TMLHE: variants seen among roughly 807,000 people sequenced by gnomAD.
The protein encoded by TMLHE is trimethyllysine hydroxylase, epsilon, also known as trimethyllysine dioxygenase, mitochondrial.
A neutral mutation model predicts 25.7 loss-of-function variants in TMLHE; 18 were observed. The observed-to-expected ratio is 0.70, with a 90% CI of 0.48 to 1.04. The LOEUF (loss-of-function observed/expected upper bound fraction) is 1.04. Ranked by LOEUF, TMLHE falls within the 50% of genes least tolerant of loss-of-function variation. The pLI is 0.00. For synonymous variants in TMLHE, 105 were observed against 97.0 expected, an observed-to-expected ratio of 1.08 and a Z score of -0.49; for missense variants, 236 against 259.0, an observed-to-expected ratio of 0.91 and a Z score of 0.61.
intron 1 of TMLHE, among the ~76,000 whole-genome samples, chrX:155,598,609 A>G (rs1557346845): frequency 9.2e-6 from 1 of 108,410 alleles, no homozygotes; most frequent in East Asian, 2.9e-4. Flanking sequence ...ACTAAATGAC[A>G]AGTTAATGGG....
chrX:155,556,344 T>C (rs2067455308), intron 1 of TMLHE, among the ~76,000 whole-genome samples: 1 of 88,729 alleles, frequency 1.1e-5, no homozygotes, highest in Non-Finnish European at 2.4e-5. Flanking sequence ...TCGGGGGACC[T>C]GCCCCGATAA....
intron 6 of TMLHE, among the ~76,000 whole-genome samples, chrX:155,500,361 C>CA (rs1260579858): frequency 9.3e-6 from 1 of 107,469 alleles, no homozygotes; most frequent in Non-Finnish European, 1.9e-5. Flanking sequence ...TTTATGCAGC[C>CA]AAAAAACACA....
chrX:155,576,614 A>G (rs1366908302), intron 1 of TMLHE, among the ~76,000 whole-genome samples: 1 of 112,252 alleles, frequency 8.9e-6, no homozygotes, highest in East Asian at 2.8e-4. Flanking sequence ...ACTACACTAC[A>G]AGGCTACTGT....
At chrX:155,510,618 A>T (rs1479647444) in intron 5 of TMLHE, among the ~76,000 whole-genome samples, 1 of 109,428 alleles carries the variant, frequency 9.1e-6, no homozygotes, top group Non-Finnish European at 1.9e-5. Flanking sequence ...CATGGTGTAT[A>T]TGTGCCACAT....
chrX:155,605,166 T>C (rs1271403754), intron 1 of TMLHE, among the ~76,000 whole-genome samples: 1 of 112,196 alleles, frequency 8.9e-6, no homozygotes, highest in Non-Finnish European at 1.9e-5. Flanking sequence ...TTAAGGATTA[T>C]AATAAAACAA....
At chrX:155,516,013 C>CTT (rs11427691) in intron 3 of TMLHE, among the ~76,000 whole-genome samples, 25 of 82,064 alleles carry the variant, frequency 3.0e-4, no homozygotes, top group African/African-American at 9.0e-4. Flanking sequence ...TACTTTTCTT[C>CTT]TTTTTTTTTT....
chrX:155,550,015 G>C (rs948785355), intron 1 of TMLHE, among the ~76,000 whole-genome samples: 1 of 110,271 alleles, frequency 9.1e-6, no homozygotes, highest in African/African-American at 3.4e-5. Context: ...GAGAATGATG[G>C]TTTCCAGCTA....
chrX:155,570,439 T>G lies in TMLHE; in HGVS notation c.-1-25162A>C, dbSNP rs782110793. 1.3e-4 allele frequency among the ~76,000 whole-genome samples: 7 copies of G among 53,757 alleles called. 1 individual carries two copies. Among genetic ancestry groups the G allele is most frequent in the African/African-American group, 3.1e-4 (7 of 22,281 alleles). The allele number at this position is 53,757 out of a possible 115,157, so 46.7% of individuals were successfully genotyped here. ...TAGACAGATCAATGAGACAGAAAGTTAACAAGGATACCCAGGAATTGAACT... is the reference window on the plus strand; with the variant it reads ...TAGACAGATCAATGAGACAGAAAGTGAACAAGGATACCCAGGAATTGAACT... On this transcript the variant is annotated intron_variant, in intron 1 of 7. Coordinates refer to ENST00000334398, the MANE Select transcript of TMLHE (RefSeq NM_018196.4).
chrX:155,583,826 G>A (rs1467982646), intron 1 of TMLHE, among the ~76,000 whole-genome samples: 1 of 111,006 alleles, frequency 9.0e-6, no homozygotes, highest in African/African-American at 3.3e-5. Context: ...AGGGGAGTGA[G>A]GGATGAGAAA....
At chrX:155,537,379 A>G (rs1051844652) in intron 2 of TMLHE, among the ~76,000 whole-genome samples, 3 of 111,262 alleles carry the variant, frequency 2.7e-5, no homozygotes, top group African/African-American at 9.8e-5. Flanking sequence ...CTCCATTTTT[A>G]ATGAAGACCA....
rs1382140047 is a variant in TMLHE, at chrX:155,572,773, G to T, written c.-1-27496C>A. 9.2e-4 allele frequency among the ~76,000 whole-genome samples: 52 copies of T among 56,309 alleles called. 10 individuals are homozygous for T. The highest frequency in any genetic ancestry group is 2.7e-3 in the Admixed American group (13 of 4,839). The allele number at this position is 56,309 out of a possible 115,157, so 48.9% of individuals were successfully genotyped here. A position where few individuals can be genotyped will look rare whatever the true frequency, so the allele number is the denominator to read the frequency against. ...TTTAATAAATGGTGCTGGGAAAACT[G>T]GCTAGCCATATGTAGAAAGCTGAAA... is the stretch of plus-strand genomic sequence containing the variant. On this transcript the variant is annotated intron_variant, in intron 1 of 7. Transcript: ENST00000334398.
intron 2 of TMLHE, among the ~76,000 whole-genome samples, chrX:155,526,315 G>C (rs188964177): frequency 8.8e-6 from 1 of 113,023 alleles, no homozygotes; most frequent in Admixed American, 9.2e-5. Context: ...AGAACAGCTT[G>C]GGCCATTGCT....
intron 1 of TMLHE, among the ~76,000 whole-genome samples, chrX:155,569,414 G>C (rs12391554): frequency 0.016 from 905 of 57,314 alleles, 163 homozygotes; most frequent in African/African-American, 0.036. Flanking sequence ...ACATTCTGCA[G>C]GATATTATCC....
At chrX:155,512,904 C>T (rs371738250) in intron 4 of TMLHE, among the ~76,000 whole-genome samples, 10 of 111,737 alleles carry the variant, frequency 8.9e-5, no homozygotes, top group South Asian at 7.4e-4. Context: ...TTTTCCTGTT[C>T]GGCTCAAATC....
At chrX:155,513,705 GT>G (rs1440455228) in intron 4 of TMLHE, among the ~76,000 whole-genome samples, 3 of 110,289 alleles carry the variant, frequency 2.7e-5, no homozygotes, top group African/African-American at 9.9e-5. Context: ...TACAGTCAGT[GT>G]TTTTTTCCAG....
At position 155,532,358 on chromosome X, in the gene TMLHE, A is replaced by G. The variant is rs1020400477; in HGVS notation, c.182-7726T>C. ...CTGCAGAAAATGTCTTTCCCTTCTA[A>G]TAGTCTTGAGCTTTACAGGAGAGAA... On this transcript the variant is annotated intron_variant, in intron 2 of 7. Transcript: ENST00000334398. 9.8e-5 allele frequency among the ~76,000 whole-genome samples: 11 copies of G among 111,911 alleles called. No individual in the cohort carries two copies. The Admixed American group carries it at 1.0e-3, about 11-fold the overall frequency.
At position 155,514,129 on chromosome X, in the gene TMLHE, T is replaced by C; in HGVS notation, c.495A>G (p.Val165=). 3.3e-6 allele frequency: 4 copies of C among 1,211,381 alleles called. No homozygotes were observed. The highest frequency in any genetic ancestry group is 1.7e-5 in the African/African-American group (1 of 57,776). Residue 165 remains valine, a synonymous_variant, in exon 4 of 8, where the codon GTA becomes GTG. Coordinates refer to ENST00000334398, the MANE Select transcript of TMLHE (RefSeq NM_018196.4). ...EIYQQAQVPS[V]DCQSFLETNE... is the part of the protein sequence containing the mutation. Reference sequence around the variant, plus strand: ...TGGTTTCTAAGAAGCTCTGGCAATCTACCGATGGAACTTGGGCTTGCTGGT... The same window carrying C: ...TGGTTTCTAAGAAGCTCTGGCAATCCACCGATGGAACTTGGGCTTGCTGGT...
chrX:155,557,092 G>C (rs1482731580), intron 1 of TMLHE, among the ~76,000 whole-genome samples: 4 of 111,604 alleles, frequency 3.6e-5, no homozygotes, highest in African/African-American at 1.3e-4. Context: ...CACACATGCT[G>C]TACAATTTGT....
intron 1 of TMLHE, among the ~76,000 whole-genome samples, chrX:155,590,220 A>C: frequency 8.9e-6 from 1 of 112,264 alleles, no homozygotes; most frequent in Non-Finnish European, 1.9e-5. Context: ...CTGATCTAAA[A>C]GACAATTGTA....
Sources: gnomAD v4.1 joint callset for allele counts (sites outside exome capture counted in the v4.1 genomes callset) on GRCh38, gnomAD v4.1.1 for gene constraint, MANE v1.5 for transcripts, NCBI Gene and HGNC (gene_info 2026-07-23, HGNC 2026-07-21) for gene names.